The following ZNF704 variants were observed in gnomAD, a reference collection of about 807,000 sequenced individuals.
The protein encoded by ZNF704 is zinc finger protein 704, also known as glucocorticoid induced gene 1.
ZNF704 carries 10 observed loss-of-function variants against 44.7 expected under a neutral mutation model. The observed-to-expected ratio is 0.22, with a 90% CI of 0.14 to 0.38. The LOEUF (loss-of-function observed/expected upper bound fraction) is 0.38, where lower values mean the gene tolerates loss of function less well. Ranked by LOEUF, ZNF704 falls within the 10% of genes least tolerant of loss-of-function variation. The probability of loss-of-function intolerance (pLI) is 1.00; values close to 1 mark genes in which losing one functional copy is unlikely to be tolerated. For missense variants in ZNF704, 390 were observed against 545.5 expected, an observed-to-expected ratio of 0.71 and a Z score of 2.84; for synonymous variants, 211 against 207.6, an observed-to-expected ratio of 1.02 and a Z score of -0.14.
At chr8:80,851,366 A>G (rs969845429) in intron 1 of ZNF704, among the ~76,000 whole-genome samples, 3 of 152,224 alleles carry the variant, frequency 2.0e-5, no homozygotes, top group African/African-American at 2.4e-5. Flanking sequence ...TGTGGCACAT[A>G]TACACCATGG....
chr8:80,779,935 T>A (rs902084133), intron 2 of ZNF704, among the ~76,000 whole-genome samples: 8 of 151,310 alleles, frequency 5.3e-5, no homozygotes, highest in African/African-American at 1.9e-4. Flanking sequence ...AATAATAATA[T>A]ACCATGTGAG....
intron 2 of ZNF704, among the ~76,000 whole-genome samples, chr8:80,808,811 T>C (rs1808036128): frequency 6.6e-6 from 1 of 152,246 alleles, no homozygotes; most frequent in African/African-American, 2.4e-5. Context: ...CAACTGTGGT[T>C]AGAAAGAACA....
chr8:80,787,946 G>A (rs1343514571), intron 2 of ZNF704, among the ~76,000 whole-genome samples: 1 of 152,104 alleles, frequency 6.6e-6, no homozygotes, highest in Non-Finnish European at 1.5e-5. Flanking sequence ...CAGTTTCTTT[G>A]CCATATTGTA....
At chr8:80,877,914 G>A (rs1809378117), upstream of ZNF704, among the ~76,000 whole-genome samples, 1 of 152,196 alleles carries the variant, frequency 6.6e-6, no homozygotes, top group South Asian at 2.1e-4. Flanking sequence ...AAAGAAATGT[G>A]CATTTCAAAG....
Position 80,824,753 on chromosome 8 carries a change from G to A in ZNF704, c.-21-3138C>T, listed in dbSNP as rs1367512343. 1.5e-4 allele frequency among the ~76,000 whole-genome samples: 23 copies of A among 152,204 alleles called. 1 individual carries two copies. Among genetic ancestry groups the A allele is most frequent in the Admixed American group, 1.5e-3 (23 of 15,276 alleles). On this transcript the variant is annotated intron_variant, in intron 1 of 8. Coordinates refer to ENST00000327835, the MANE Select transcript of ZNF704 (RefSeq NM_001033723.3). ...GGCAGAAACTCTAAAAGCCAGAAGA[G>A]AGTGGGAGCCAATATCCAACATTGT... is the stretch of plus-strand genomic sequence containing the variant.
intron 2 of ZNF704, among the ~76,000 whole-genome samples, chr8:80,767,462 G>A (rs1807246812): frequency 6.6e-6 from 1 of 151,912 alleles, no homozygotes; most frequent in Admixed American, 6.6e-5. Flanking sequence ...AAACAAATAA[G>A]AATAATTCAA....
At chr8:80,859,157 T>G (rs1586080539) in intron 1 of ZNF704, among the ~76,000 whole-genome samples, 1 of 152,250 alleles carries the variant, frequency 6.6e-6, no homozygotes, top group East Asian at 1.9e-4. Flanking sequence ...TTTAGGATTT[T>G]TATGTCTTCT....
chr8:80,675,618 C>G (rs1444894734), intron 4 of ZNF704, among the ~76,000 whole-genome samples: 2 of 151,976 alleles, frequency 1.3e-5, no homozygotes, highest in African/African-American at 4.8e-5. Flanking sequence ...TAGACACATT[C>G]AAGACATAGT....
At chr8:80,723,493 A>G (rs932316746) in intron 2 of ZNF704, among the ~76,000 whole-genome samples, 1 of 152,228 alleles carries the variant, frequency 6.6e-6, no homozygotes, top group African/African-American at 2.4e-5. Context: ...TTCTGCGGAG[A>G]AAGTGAAATG....
intron 1 of ZNF704, among the ~76,000 whole-genome samples, chr8:80,842,803 G>A (rs1033575108): frequency 3.9e-5 from 6 of 152,156 alleles, no homozygotes; most frequent in Middle Eastern, 3.2e-3. Flanking sequence ...GTGGAAGATG[G>A]ATGAGAAGCT....
chr8:80,856,936 T>C (rs1183516385), intron 1 of ZNF704, among the ~76,000 whole-genome samples: 1 of 152,220 alleles, frequency 6.6e-6, no homozygotes, highest in Non-Finnish European at 1.5e-5. Flanking sequence ...TTTTAATCAA[T>C]TTCTGGAGAA....
chr8:80,850,711 T>C (rs1331565583), intron 1 of ZNF704, among the ~76,000 whole-genome samples: 1 of 152,224 alleles, frequency 6.6e-6, no homozygotes, highest in Non-Finnish European at 1.5e-5. Flanking sequence ...CTCCCCTAAG[T>C]AGTGACCTTT....
intron 3 of ZNF704, among the ~76,000 whole-genome samples, chr8:80,692,550 A>T (rs1400878213): frequency 3.3e-5 from 5 of 152,232 alleles, no homozygotes; most frequent in Admixed American, 3.3e-4. Flanking sequence ...ATGTGTGTGG[A>T]ATAAATGAAT....
chr8:80,713,846 G>C (rs1819031045), intron 2 of ZNF704, among the ~76,000 whole-genome samples: 1 of 152,206 alleles, frequency 6.6e-6, no homozygotes, highest in African/African-American at 2.4e-5. Context: ...CCTTGTATCT[G>C]ATGCTGACAT....
intron 2 of ZNF704, among the ~76,000 whole-genome samples, chr8:80,782,835 C>T (rs979181786): frequency 6.6e-6 from 1 of 152,056 alleles, no homozygotes; most frequent in Non-Finnish European, 1.5e-5. Context: ...ATCCTCCTGT[C>T]GTCCCTCTAT....
chr8:80,843,947 GTATA>G (rs902499336), intron 1 of ZNF704, among the ~76,000 whole-genome samples: 1 of 141,296 alleles, frequency 7.1e-6, no homozygotes, highest in Non-Finnish European at 1.6e-5. Context: ...ATATGTGTAT[GTATA>G]TATATGTGTA....
upstream of ZNF704, among the ~76,000 whole-genome samples, chr8:80,875,440 G>T (rs1237853009): frequency 1.3e-5 from 2 of 152,096 alleles, no homozygotes; most frequent in Non-Finnish European, 2.9e-5. Flanking sequence ...GAGTACCTGG[G>T]ATTAAAGGCG....
rs915171868 is a variant in ZNF704 at position 80,632,814 on chromosome 8, T to A, written c.*8552A>T. 1 of 152,242 alleles carries A rather than the reference T, an allele frequency of 6.6e-6. No individual in the cohort carries two copies. Among genetic ancestry groups the A allele is most frequent in the Non-Finnish European group, 1.5e-5 (1 of 68,042 alleles). The allele number at this position is 152,242 out of a possible 1,614,324, so 9.4% of individuals were successfully genotyped here. On this transcript the variant is annotated 3_prime_UTR_variant, in exon 9 of 9. Transcript: ENST00000327835. Reference sequence around the variant, plus strand: ...TGTTATTGTCATGGCAACGGCGCTATGATTCTTTTCCATCAGAAGAGGAAA... The same window carrying A: ...TGTTATTGTCATGGCAACGGCGCTAAGATTCTTTTCCATCAGAAGAGGAAA...
At chr8:80,817,303 C>T (rs1156238680) in intron 2 of ZNF704, among the ~76,000 whole-genome samples, 3 of 152,340 alleles carry the variant, frequency 2.0e-5, no homozygotes, top group Admixed American at 1.3e-4. Flanking sequence ...AGCTGCTGGC[C>T]GCTGAAACCA....
Sources: allele counts gnomAD v4.1 joint callset (sites outside exome capture counted in the v4.1 genomes callset), GRCh38; gene constraint gnomAD v4.1.1; transcripts MANE v1.5; gene names NCBI Gene and HGNC (gene_info 2026-07-23, HGNC 2026-07-21).